Variants in TRIM16 observed in about 807,000 individuals in gnomAD.
The protein encoded by TRIM16 is tripartite motif containing 16.
A neutral mutation model predicts 50.4 loss-of-function variants in TRIM16; 33 were observed. The ratio of observed to expected loss-of-function variants is 0.65; its 90% confidence interval spans 0.50 to 0.88. The LOEUF (loss-of-function observed/expected upper bound fraction) is 0.88, where lower values mean the gene tolerates loss of function less well. TRIM16 is among the 40% of genes least tolerant of loss of function. The probability of loss-of-function intolerance (pLI) is 0.00; values close to 1 mark genes in which losing one functional copy is unlikely to be tolerated. For missense variants in TRIM16, 581 were observed against 686.8 expected (o/e 0.85, Z 1.72); for synonymous variants, 229 against 270.7 (o/e 0.85, Z 1.51).
At position 15,649,538 on chromosome 17, in the gene TRIM16, G is replaced by C. The variant is rs149909537; in HGVS notation, c.519+1553C>G. On this transcript the variant is annotated intron_variant, in intron 7 of 11. Coordinates refer to ENST00000649191, the MANE Select transcript of TRIM16 (RefSeq NM_001348119.1). ...CCTGCCCTCATGATCTGCCTGCCTC[G>C]GCCTCCCAAAGTGCTGGGATTACAG... 5.9e-5 allele frequency among the ~76,000 whole-genome samples: 9 copies of C among 152,166 alleles called. No homozygotes were observed. In the South Asian group the frequency reaches 1.9e-3, roughly 32 times the overall value.
At chr17:15,635,908 T>C in intron 9 of TRIM16, 128 bp downstream of exon 9, 4 of 819,306 alleles carry the variant, frequency 4.9e-6, no homozygotes, top group Non-Finnish European at 5.7e-6. Context: ...CTTCTCTCTG[T>C]TCCCACTGCT....
intron 3 of TRIM16, among the ~76,000 whole-genome samples, chr17:15,681,720 C>G (rs1331541120): frequency 1.3e-5 from 2 of 152,224 alleles, no homozygotes; most frequent in Non-Finnish European, 2.9e-5. Flanking sequence ...GCGCTTATCT[C>G]TAGGTAGTAG....
Position 15,628,851 on chromosome 17 carries a change from G to C in TRIM16, c.1459C>G (p.Leu487Val). Residue 487 changes from leucine (L) to valine (V), a missense_variant, in exon 12 of 12, where the codon CTC becomes GTC. By Grantham distance (32) the Leu-to-Val change is conservative. This residue lies in a region of TRIM16 where 115 missense variants were observed against 106.7 expected (regional missense o/e 1.08). Coordinates refer to ENST00000649191, the MANE Select transcript of TRIM16 (RefSeq NM_001348119.1). ...AGCCTCCGGAAAGGGCCAGCTTTGA[G>C]TGGGGTCTCCATGTCACTGTACCAG... ...TAWYSDMETP[L>V]KAGPFRRLGV... 6.2e-7 allele frequency: 1 copy of C among 1,614,238 alleles called. No homozygotes were observed. The highest frequency in any genetic ancestry group is 1.6e-4 in the Middle Eastern group (1 of 6,062).
Position 15,642,348 on chromosome 17 carries a change from G to T in TRIM16, c.615+373C>A, listed in dbSNP as rs146485695. Among the ~76,000 whole-genome samples, 96 of 149,288 alleles carry T rather than the reference G, an allele frequency of 6.4e-4. 5 individuals are homozygous for T. Among genetic ancestry groups the T allele is most frequent in the African/African-American group, 2.3e-3 (93 of 40,520 alleles). On this transcript the variant is annotated intron_variant, in intron 8 of 11. Transcript: ENST00000649191. ...ATAGGACTGGTGAGACTCACATGCA[G>T]AACACCCTCATATAATGGAAGAAGC...
rs555129839 is a variant in TRIM16 at position 15,643,678 on chromosome 17, G to A, written c.520-862C>T. 3.1e-3 allele frequency among the ~76,000 whole-genome samples: 473 copies of A among 151,782 alleles called. 4 individuals carry two copies. Among genetic ancestry groups the A allele is most frequent in the South Asian group, 0.012 (60 of 4,806 alleles). On this transcript the variant is annotated intron_variant, in intron 7 of 11. Coordinates refer to ENST00000649191, the MANE Select transcript of TRIM16 (RefSeq NM_001348119.1). ...GCTCAGGATGAATATCTTCAAATAT[G>A]TTACAGAGTTTGACTCCTTTTGTCA... is the stretch of plus-strand genomic sequence containing the variant.
At chr17:15,657,154 AT>A (rs1229638885) in intron 6 of TRIM16, among the ~76,000 whole-genome samples, 1 of 152,234 alleles carries the variant, frequency 6.6e-6, no homozygotes, top group Non-Finnish European at 1.5e-5. Context: ...ATAAATACAC[AT>A]AAAATACAAA....
chr17:15,632,540 A>G lies in TRIM16; in HGVS notation c.984T>C (p.Tyr328=), dbSNP rs201470245. The part of the protein sequence containing the change: ...TVHLIQLLEN[Y]KKKLQEFSKE... The stretch of plus-strand genomic sequence containing the variant: ...TGGAAAACTCCTGGAGCTTTTTCTT[A>G]TAGTTCTCCAGCAACTGGATTAAGT... Residue 328 remains tyrosine (Y), a synonymous_variant, in exon 10 of 12, where the codon TAT becomes TAC. Coordinates refer to ENST00000649191, the MANE Select transcript of TRIM16 (RefSeq NM_001348119.1). 9 of 1,612,830 alleles carry G rather than the reference A, an allele frequency of 5.6e-6. No individual in the cohort carries two copies. The highest frequency in any genetic ancestry group is 1.3e-5 in the African/African-American group (1 of 74,814).
At chr17:15,662,978 T>A (rs1988308757) in intron 6 of TRIM16, among the ~76,000 whole-genome samples, 1 of 152,086 alleles carries the variant, frequency 6.6e-6, no homozygotes, top group Non-Finnish European at 1.5e-5. Context: ...CTAGCAGATT[T>A]GTGAGTTTCT....
At chr17:15,669,134 C>T (rs1380349136) in intron 6 of TRIM16, among the ~76,000 whole-genome samples, 1 of 151,720 alleles carries the variant, frequency 6.6e-6, no homozygotes, top group Non-Finnish European at 1.5e-5. Context: ...GAGAAAAAGG[C>T]ACTCTGCTAC....
At chr17:15,664,395 G>A (rs372763688) in intron 6 of TRIM16, among the ~76,000 whole-genome samples, 10 of 152,310 alleles carry the variant, frequency 6.6e-5, no homozygotes, top group African/African-American at 2.4e-4. Context: ...TATGAGAGCT[G>A]GAGGAGAGTG....
chr17:15,674,177 C>T (rs1471651556), intron 6 of TRIM16, among the ~76,000 whole-genome samples: 1 of 152,110 alleles, frequency 6.6e-6, no homozygotes, highest in African/African-American at 2.4e-5. Flanking sequence ...TGAGACCATC[C>T]TGGCCAACAT....
Position 15,638,590 on chromosome 17 carries a change from TCTCA to T in TRIM16, c.616-2325_616-2322del, listed in dbSNP as rs1441899398. ...GAGCACCCCTCCAGGTGCTGTTTTC[TCTCA>T]CTCCTCCCAATGTTAAGGGCCAGCT... On this transcript the variant is annotated intron_variant, in intron 8 of 11. Transcript: ENST00000649191. 7.4e-5 allele frequency among the ~76,000 whole-genome samples: 11 copies of T among 149,122 alleles called. 1 individual carries two copies. Among genetic ancestry groups the T allele is most frequent in the African/African-American group, 2.2e-4 (9 of 40,344 alleles).
intron 9 of TRIM16, among the ~76,000 whole-genome samples, chr17:15,633,603 A>G (rs376522824): frequency 4.3e-4 from 60 of 140,404 alleles, no homozygotes; most frequent in East Asian, 8.9e-4. Context: ...GCAATGGCGC[A>G]ATCTCGGCTC....
At chr17:15,661,200 A>T (rs1284642255) in intron 6 of TRIM16, among the ~76,000 whole-genome samples, 1 of 152,224 alleles carries the variant, frequency 6.6e-6, no homozygotes, top group Non-Finnish European at 1.5e-5. Flanking sequence ...ATCTGCTCCA[A>T]TAAACTTACA....
rs372743271 is a variant in TRIM16, at chr17:15,665,426, G to A, written c.-338+11750C>T. Among the ~76,000 whole-genome samples, 42 of 152,216 alleles carry A rather than the reference G, an allele frequency of 2.8e-4. No homozygotes were observed. The East Asian group carries it at 6.2e-3, about 22-fold the overall frequency. On this transcript the variant is annotated intron_variant, in intron 6 of 11. Transcript: ENST00000649191. ...CAGGAGGCTGAGGCAGGAGAATGGC[G>A]TGAACCCGGAAGGCAGAGCTTGCCA...
chr17:15,640,871 C>T (rs933357054), intron 8 of TRIM16, among the ~76,000 whole-genome samples: 1 of 148,608 alleles, frequency 6.7e-6, no homozygotes, highest in Non-Finnish European at 1.5e-5. Flanking sequence ...CTGTACTGCC[C>T]GCTCCCGATG....
intron 8 of TRIM16, among the ~76,000 whole-genome samples, chr17:15,639,019 A>G (rs112038312): frequency 0.035 from 5,166 of 146,490 alleles, 214 homozygotes; most frequent in African/African-American, 0.12. Context: ...GGGAAGACAC[A>G]GACAATCTCC....
At chr17:15,668,216 C>G (rs1266037973) in intron 6 of TRIM16, among the ~76,000 whole-genome samples, 1 of 152,224 alleles carries the variant, frequency 6.6e-6, no homozygotes, top group Admixed American at 6.5e-5. Flanking sequence ...AGTTCTAAGA[C>G]AGAAAGTTGG....
Position 15,648,264 on chromosome 17 carries a change from C to CA in TRIM16, c.519+2826dup, listed in dbSNP as rs369890282. On this transcript the variant is annotated intron_variant, in intron 7 of 11. Coordinates refer to ENST00000649191, the MANE Select transcript of TRIM16 (RefSeq NM_001348119.1). ...AACAAAAAACAAACAAACAAACAAA[C>CA]AAAAAAACACAAAGGGGCCTGGAGA... Among the ~76,000 whole-genome samples, 1,298 of 146,174 alleles carry CA rather than the reference C, an allele frequency of 8.9e-3. 26 individuals carry two copies. Among genetic ancestry groups the CA allele is most frequent in the African/African-American group, 0.032 (1,203 of 37,994 alleles).
Sources: gnomAD v4.1 joint callset for allele counts (sites outside exome capture counted in the v4.1 genomes callset) on GRCh38, gnomAD v4.1.1 for gene constraint, gnomAD v4.1.1 regional missense constraint, MANE v1.5 for transcripts, NCBI Gene and HGNC (gene_info 2026-07-23, HGNC 2026-07-21) for gene names.